The following UTY variants were observed in gnomAD, a reference collection of about 807,000 sequenced individuals.
UTY encodes the protein histone demethylase UTY.
Under a neutral mutation model 32.5 loss-of-function variants are expected in UTY, and 12 were observed. The ratio of observed to expected loss-of-function variants is 0.37; its 90% CI spans 0.24 to 0.60. The LOEUF (loss-of-function observed/expected upper bound fraction) is 0.60, where lower values mean the gene tolerates loss of function less well. Ranked by LOEUF, UTY falls within the 20% of genes least tolerant of loss-of-function variation. The pLI is 0.69. For missense variants in UTY, 303 were observed against 299.2 expected, an observed-to-expected ratio of 1.01 and a Z score of -0.09; for synonymous variants, 131 against 103.4, an observed-to-expected ratio of 1.27 and a Z score of -1.62.
At chrY:13,447,029 C>A (rs771250877) in intron 4 of UTY, among the ~76,000 whole-genome samples, 204 of 32,141 alleles carry the variant, frequency 6.3e-3, no homozygotes, top group Non-Finnish European at 4.5e-4. Flanking sequence ...AGGTCTCTTA[C>A]ACAGGTATAC....
At chrY:13,360,331 T>A in intron 11 of UTY, 99 bp downstream of exon 11, 1 of 237,678 alleles carries the variant, frequency 4.2e-6, no homozygotes, top group Non-Finnish European at 6.7e-6. Context: ...AACTACTATA[T>A]CCAGCCAGTT....
intron 10 of UTY, among the ~76,000 whole-genome samples, chrY:13,364,228 A>T: frequency 3.6e-5 from 1 of 27,729 alleles, no homozygotes; most frequent in African/African-American, 1.4e-4. Flanking sequence ...TACCCTATGT[A>T]AAAAAAAAAA....
chrY:13,271,573 T>C (rs1003212299), intron 27 of UTY, among the ~76,000 whole-genome samples: 1 of 33,129 alleles, frequency 3.0e-5, no homozygotes, highest in Non-Finnish European at 7.4e-5. Context: ...TCCTCACCTA[T>C]AAAAAGAGAA....
At chrY:13,400,304 C>T (rs2068786291) in intron 6 of UTY, among the ~76,000 whole-genome samples, 1 of 32,653 alleles carries the variant, frequency 3.1e-5, no homozygotes, top group African/African-American at 1.2e-4. Flanking sequence ...TGGATGGTGC[C>T]GAAGACCCCA....
chrY:13,285,220 C>G, intron 27 of UTY, among the ~76,000 whole-genome samples: 1 of 33,527 alleles, frequency 3.0e-5, no homozygotes, highest in African/African-American at 1.2e-4. Flanking sequence ...TGTGGTGGAC[C>G]TTTACTGGGC....
chrY:13,344,185 G>A (rs2149118406), intron 17 of UTY, among the ~76,000 whole-genome samples: 2 of 33,950 alleles, frequency 5.9e-5, no homozygotes, highest in Non-Finnish European at 1.5e-4. Context: ...GAGCAGGAGA[G>A]TGGAAGTTAA....
rs775340676 is a variant in UTY at position 13,251,193 on chromosome Y, TTAAA to T, written c.4138-10_4138-7del. ...AGCAGATTAAAAACCTCCACCTATA[TTAAA>T]TAAATAAATAAACAAAAAGTATTGG... On this transcript the variant is annotated splice_region_variant and splice_polypyrimidine_tract_variant and intron_variant, in intron 28 of 29. Transcript: ENST00000545955. 52 of 354,424 alleles carry T rather than the reference TTAAA, an allele frequency of 1.5e-4. No individual in the cohort carries two copies. The highest frequency in any genetic ancestry group is 1.2e-3 in the South Asian group (34 of 27,922). The allele number at this position is 354,424 out of a possible 400,897, so 88.4% of individuals were successfully genotyped here. A position where few individuals can be genotyped will look rare whatever the true frequency, so the allele number is the denominator to read the frequency against.
chrY:13,476,939 T>G (rs2079129362), intron 2 of UTY, among the ~76,000 whole-genome samples: 1 of 32,923 alleles, frequency 3.0e-5, no homozygotes, highest in South Asian at 6.5e-4. Flanking sequence ...ATTTTAAACC[T>G]TTAGAAGCTT....
chrY:13,326,016 G>A (rs2060220325), intron 19 of UTY, among the ~76,000 whole-genome samples: 1 of 33,985 alleles, frequency 2.9e-5, no homozygotes, highest in African/African-American at 1.1e-4. Flanking sequence ...TCAAAAGCAG[G>A]TTGGTGGGCA....
chrY:13,312,584 ACC>A (rs2059251322), intron 21 of UTY, among the ~76,000 whole-genome samples: 2 of 30,915 alleles, frequency 6.5e-5, no homozygotes, highest in Non-Finnish European at 7.8e-5. Context: ...ATGTGGAGAA[ACC>A]CTGTCTCTAC....
At chrY:13,290,275 A>C (rs915539976) in intron 27 of UTY, among the ~76,000 whole-genome samples, 13 of 33,618 alleles carry the variant, frequency 3.9e-4, no homozygotes, top group East Asian at 1.5e-3. Context: ...ACAACAACAA[A>C]AAAAAAGCAG....
intron 27 of UTY, among the ~76,000 whole-genome samples, chrY:13,295,968 G>T (rs1013073260): frequency 5.9e-5 from 2 of 33,694 alleles, no homozygotes; most frequent in Admixed American, 2.7e-4. Context: ...CTTGTGGGCT[G>T]CCACTGGCAT....
chrY:13,379,310 C>G, intron 8 of UTY, among the ~76,000 whole-genome samples: 1 of 33,142 alleles, frequency 3.0e-5, no homozygotes, highest in Non-Finnish European at 7.4e-5. Context: ...TGTAAAAAAG[C>G]AACAGAGTTG....
intron 17 of UTY, among the ~76,000 whole-genome samples, chrY:13,341,937 T>C (rs1040519680): frequency 2.1e-4 from 7 of 33,171 alleles, no homozygotes; most frequent in African/African-American, 4.7e-4. Flanking sequence ...CTCCAGAAAT[T>C]GCAAGCACAA....
chrY:13,316,236 G>C (rs2059476753), intron 21 of UTY, among the ~76,000 whole-genome samples: 1 of 33,177 alleles, frequency 3.0e-5, no homozygotes, highest in South Asian at 6.8e-4. Flanking sequence ...CTGAGGCATG[G>C]AAGAAGCCCC....
chrY:13,398,011 C>A (rs2068452269), intron 6 of UTY, among the ~76,000 whole-genome samples: 1 of 33,333 alleles, frequency 3.0e-5, no homozygotes, highest in Non-Finnish European at 7.5e-5. Context: ...AAAAGATCAT[C>A]ATCTACAATG....
At chrY:13,262,155 G>A (rs2055320284) in intron 27 of UTY, among the ~76,000 whole-genome samples, 1 of 33,335 alleles carries the variant, frequency 3.0e-5, no homozygotes, top group South Asian at 6.6e-4. Flanking sequence ...GTTTCCAAAT[G>A]AGAAAATAAA....
intron 27 of UTY, among the ~76,000 whole-genome samples, chrY:13,267,963 CT>C (rs2055979244): frequency 3.1e-5 from 1 of 32,538 alleles, no homozygotes; most frequent in Non-Finnish European, 7.5e-5. Context: ...ACATTTTTTC[CT>C]TCATTTCAAC....
intron 4 of UTY, among the ~76,000 whole-genome samples, chrY:13,434,282 A>G (rs2074316231): frequency 3.0e-5 from 1 of 33,759 alleles, no homozygotes; most frequent in Non-Finnish European, 7.4e-5. Context: ...GCTCACTGCC[A>G]CCCCCACCTC....
Sources: gnomAD v4.1 joint callset for allele counts (sites outside exome capture counted in the v4.1 genomes callset) on GRCh38, gnomAD v4.1.1 for gene constraint, MANE v1.5 for transcripts, NCBI Gene and HGNC (gene_info 2026-07-23, HGNC 2026-07-21) for gene names.